The following UBE2E2 variants were observed in gnomAD, a reference collection of about 807,000 sequenced individuals.
UBE2E2 encodes the protein ubiquitin conjugating enzyme E2 E2.
In UBE2E2, 6 loss-of-function variants were observed where a neutral mutation model predicts 24.7. The observed-to-expected ratio is 0.24, with a 90% CI of 0.13 to 0.48. The LOEUF is 0.48. Among genes scored for constraint, UBE2E2 ranks in the 20% least tolerant of loss-of-function variants. The pLI is 0.99. For missense variants in UBE2E2, 169 were observed against 245.0 expected (o/e 0.69, Z 2.07); for synonymous variants, 104 against 83.6 (o/e 1.24, Z -1.33).
At chr3:23,226,368 T>C (rs1696826567) in intron 3 of UBE2E2, among the ~76,000 whole-genome samples, 1 of 152,222 alleles carries the variant, frequency 6.6e-6, no homozygotes, top group Admixed American at 6.5e-5. Flanking sequence ...TTTTCTTCTC[T>C]GCTTATTGTA....
chr3:23,520,336 G>A lies in UBE2E2; in HGVS notation c.361-12218G>A, dbSNP rs115339755. Among the ~76,000 whole-genome samples the A allele has an allele frequency of 9.6e-3, 1,462 of 152,212 alleles. 25 individuals carry two copies. Among genetic ancestry groups the A allele is most frequent in the African/African-American group, 0.033 (1,357 of 41,520 alleles). On this transcript the variant is annotated intron_variant, in intron 4 of 5. Transcript: ENST00000396703. ...AAATGCAAGTCACCTAGGACAGTGC[G>A]TGGCACATAAACATGGCATTATTGG...
chr3:23,204,805 A>G (rs1696101590), intron 1 of UBE2E2: 1 of 954,766 alleles, frequency 1.0e-6, no homozygotes, highest in Non-Finnish European at 1.2e-6. Context: ...TACATTTTAG[A>G]AAAGTTTAGA....
intron 5 of UBE2E2, among the ~76,000 whole-genome samples, chr3:23,533,814 G>T (rs1695185865): frequency 6.6e-6 from 1 of 151,494 alleles, no homozygotes; most frequent in African/African-American, 2.4e-5. Flanking sequence ...GTAGAGACGG[G>T]GTTTCACCGT....
intron 3 of UBE2E2, among the ~76,000 whole-genome samples, chr3:23,454,491 C>G (rs1460026622): frequency 1.3e-5 from 2 of 152,128 alleles, no homozygotes; most frequent in African/African-American, 4.8e-5. Flanking sequence ...TACCTTGTAT[C>G]TTTAGTCTCA....
At chr3:23,301,707 C>G (rs1051038319) in intron 3 of UBE2E2, among the ~76,000 whole-genome samples, 2 of 152,154 alleles carry the variant, frequency 1.3e-5, no homozygotes, top group African/African-American at 4.8e-5. Flanking sequence ...AGAGATGCCT[C>G]CCAGGTAGGC....
intron 3 of UBE2E2, among the ~76,000 whole-genome samples, chr3:23,244,428 AT>A (rs1437313938): frequency 5.9e-5 from 9 of 152,138 alleles, no homozygotes; most frequent in Non-Finnish European, 1.3e-4. Flanking sequence ...ACTTTTCTGT[AT>A]TTGTGTGCTT....
At chr3:23,249,141 C>A (rs970608660) in intron 3 of UBE2E2, among the ~76,000 whole-genome samples, 1 of 151,834 alleles carries the variant, frequency 6.6e-6, no homozygotes, top group Non-Finnish European at 1.5e-5. Flanking sequence ...CATGGTGGCA[C>A]ACACCTGTAG....
At chr3:23,354,685 T>C (rs1276379734) in intron 3 of UBE2E2, among the ~76,000 whole-genome samples, 1 of 152,130 alleles carries the variant, frequency 6.6e-6, no homozygotes, top group African/African-American at 2.4e-5. Context: ...TGAGATACCA[T>C]CTCACACCAG....
At chr3:23,274,027 A>G (rs779094554) in intron 3 of UBE2E2, 3 of 152,242 alleles carry the variant, frequency 2.0e-5, no homozygotes, top group African/African-American at 4.8e-5. Flanking sequence ...GGGAAAAAAA[A>G]TGCTGTTGAT....
At chr3:23,434,749 G>A (rs1698145995) in intron 3 of UBE2E2, among the ~76,000 whole-genome samples, 1 of 152,150 alleles carries the variant, frequency 6.6e-6, no homozygotes, top group Admixed American at 6.5e-5. Flanking sequence ...CAATTAAGAT[G>A]TGAGAAGGAA....
At chr3:23,379,700 C>G (rs1231432234) in intron 3 of UBE2E2, among the ~76,000 whole-genome samples, 1 of 152,010 alleles carries the variant, frequency 6.6e-6, no homozygotes, top group African/African-American at 2.4e-5. Flanking sequence ...CTAATTTTCT[C>G]TCGGACATGG....
At chr3:23,257,192 C>T (rs9866739) in intron 3 of UBE2E2, among the ~76,000 whole-genome samples, 23,031 of 152,122 alleles carry the variant, frequency 0.15, 1,915 homozygotes, top group South Asian at 0.25. Flanking sequence ...CAAACCTGAA[C>T]TGTAATGGTT....
At chr3:23,352,900 C>G (rs1190260072) in intron 3 of UBE2E2, among the ~76,000 whole-genome samples, 1 of 152,194 alleles carries the variant, frequency 6.6e-6, no homozygotes, top group East Asian at 1.9e-4. Flanking sequence ...CAGCATCATC[C>G]TGATACCAAA....
At chr3:23,433,655 T>TG (rs1167345478) in intron 3 of UBE2E2, among the ~76,000 whole-genome samples, 3 of 152,004 alleles carry the variant, frequency 2.0e-5, no homozygotes, top group Non-Finnish European at 1.5e-5. Context: ...TTATGACTTT[T>TG]TTTTTTTAAG....
At chr3:23,481,542 G>T (rs1004232164) in intron 3 of UBE2E2, among the ~76,000 whole-genome samples, 1 of 152,202 alleles carries the variant, frequency 6.6e-6, no homozygotes, top group Non-Finnish European at 1.5e-5. Flanking sequence ...CACAATTAAA[G>T]CTCCCCTAAT....
Position 23,541,279 on chromosome 3 carries a change from A to G in UBE2E2, c.508+8578A>G, listed in dbSNP as rs571686466. ...TATTTTCTGACTCAACTTTTCATTC[A>G]GTATCTAGCCTGGGCAAGGTGCTAT... On this transcript the variant is annotated intron_variant, in intron 5 of 5. Transcript: ENST00000396703. Among the ~76,000 whole-genome samples the G allele has an allele frequency of 1.3e-3, 204 of 152,328 alleles. 1 individual carries two copies. The highest frequency in any genetic ancestry group is 4.0e-3 in the Admixed American group (61 of 15,304).
intron 3 of UBE2E2, among the ~76,000 whole-genome samples, chr3:23,498,304 A>T (rs896158043): frequency 1.3e-5 from 2 of 152,172 alleles, no homozygotes; most frequent in African/African-American, 2.4e-5. Flanking sequence ...TTATTTACTG[A>T]GGGTAAAAAT....
chr3:23,437,804 T>A (rs573697150), intron 3 of UBE2E2, among the ~76,000 whole-genome samples: 1 of 152,318 alleles, frequency 6.6e-6, no homozygotes, highest in African/African-American at 2.4e-5. Context: ...ACAGAAAAGG[T>A]CATCCTGCAT....
intron 3 of UBE2E2, among the ~76,000 whole-genome samples, chr3:23,308,113 A>G (rs537099502): frequency 1.3e-5 from 2 of 152,346 alleles, no homozygotes; most frequent in South Asian, 2.1e-4. Flanking sequence ...AGAATCAGCT[A>G]TACCTGGCTT....
Sources: allele counts gnomAD v4.1 joint callset (sites outside exome capture counted in the v4.1 genomes callset), GRCh38; gene constraint gnomAD v4.1.1; transcripts MANE v1.5; gene names NCBI Gene and HGNC (gene_info 2026-07-23, HGNC 2026-07-21).